The following RBFOX1 variants were observed in gnomAD, a reference collection of about 807,000 sequenced individuals.
RBFOX1 encodes RNA binding protein fox-1 homolog 1.
Under a neutral mutation model 57.7 loss-of-function variants are expected in RBFOX1, and 8 were observed. The observed-to-expected ratio is 0.14, with a 90% CI of 0.08 to 0.25. The LOEUF (loss-of-function observed/expected upper bound fraction) is 0.25, where lower values mean the gene tolerates loss of function less well. RBFOX1 is among the 10% of genes least tolerant of loss of function. The pLI, the probability that RBFOX1 is intolerant of heterozygous loss-of-function variation, is 1.00. For missense variants in RBFOX1, 611 were observed against 548.5 expected (o/e 1.11, Z -1.14); for synonymous variants, 326 against 222.4 (o/e 1.47, Z -4.15).
At chr16:7,091,032 A>T (rs1034023419) in intron 4 of RBFOX1, among the ~76,000 whole-genome samples, 2 of 152,202 alleles carry the variant, frequency 1.3e-5, no homozygotes, top group African/African-American at 2.4e-5. Flanking sequence ...CACAAACAGG[A>T]TACAAATTCC....
At chr16:7,245,413 A>G (rs1400565418) in intron 4 of RBFOX1, among the ~76,000 whole-genome samples, 2 of 151,482 alleles carry the variant, frequency 1.3e-5, no homozygotes, top group Admixed American at 6.6e-5. Flanking sequence ...TGCTGTACCT[A>G]TCAACCCGTC....
chr16:7,022,515 T>A (rs559936365), intron 3 of RBFOX1, among the ~76,000 whole-genome samples: 1 of 152,250 alleles, frequency 6.6e-6, no homozygotes, highest in African/African-American at 2.4e-5. Context: ...TACTCCAGAT[T>A]CCCTGTGAGG....
intron 3 of RBFOX1, among the ~76,000 whole-genome samples, chr16:6,970,487 G>A (rs2085294988): frequency 6.6e-6 from 1 of 152,076 alleles, no homozygotes; most frequent in Admixed American, 6.6e-5. Flanking sequence ...TCACAGTTCT[G>A]GAAGCTGGGC....
At chr16:5,640,270 C>A (rs1302850751) in intron 3 of RBFOX1, among the ~76,000 whole-genome samples, 1 of 152,158 alleles carries the variant, frequency 6.6e-6, no homozygotes, top group African/African-American at 2.4e-5. Flanking sequence ...TTCACTTTAG[C>A]CATCGGTCTG....
intron 1 of RBFOX1, among the ~76,000 whole-genome samples, chr16:5,383,131 A>G (rs779742535): frequency 6.6e-6 from 1 of 152,144 alleles, no homozygotes; most frequent in Non-Finnish European, 1.5e-5. Context: ...TCACACTCCA[A>G]CTGTTGAGAA....
chr16:5,468,268 A>G (rs936197617), intron 2 of RBFOX1, among the ~76,000 whole-genome samples: 2 of 152,250 alleles, frequency 1.3e-5, no homozygotes, highest in African/African-American at 4.8e-5. Context: ...AGTGTTGGGC[A>G]ATCACTACCT....
At chr16:6,324,536 G>A (rs1376332555) in intron 2 of RBFOX1, among the ~76,000 whole-genome samples, 1 of 152,112 alleles carries the variant, frequency 6.6e-6, no homozygotes, top group Non-Finnish European at 1.5e-5. Context: ...GAACAAGAGA[G>A]GGAGAGGAGG....
At chr16:6,650,676 T>A (rs372161490) in intron 2 of RBFOX1, among the ~76,000 whole-genome samples, 1 of 152,194 alleles carries the variant, frequency 6.6e-6, no homozygotes, top group South Asian at 2.1e-4. Flanking sequence ...AAACAAGATA[T>A]TTGCTATACG....
chr16:7,172,316 C>T (rs903406713), intron 4 of RBFOX1, among the ~76,000 whole-genome samples: 3 of 152,132 alleles, frequency 2.0e-5, no homozygotes, highest in Non-Finnish European at 4.4e-5. Flanking sequence ...CAGTTTATCT[C>T]TTTTTACTCC....
At chr16:5,335,176 C>A (rs2064864056) in intron 1 of RBFOX1, among the ~76,000 whole-genome samples, 1 of 146,006 alleles carries the variant, frequency 6.8e-6, no homozygotes, top group African/African-American at 2.5e-5. Context: ...ATTGCCAGTT[C>A]ACCTCTCTGC....
At chr16:7,034,197 T>G (rs1024364469) in intron 3 of RBFOX1, among the ~76,000 whole-genome samples, 1 of 152,154 alleles carries the variant, frequency 6.6e-6, no homozygotes, top group Non-Finnish European at 1.5e-5. Flanking sequence ...GGCTCTGGTT[T>G]TTCCTAACTT....
intron 2 of RBFOX1, among the ~76,000 whole-genome samples, chr16:5,526,510 A>T (rs1211690877): frequency 6.6e-6 from 1 of 152,060 alleles, no homozygotes; most frequent in African/African-American, 2.4e-5. Flanking sequence ...GCTGGTCTCA[A>T]ACTCCTGGCC....
chr16:5,899,400 G>A (rs918698244), intron 4 of RBFOX1, among the ~76,000 whole-genome samples: 1 of 152,152 alleles, frequency 6.6e-6, no homozygotes, highest in Non-Finnish European at 1.5e-5. Flanking sequence ...GCTCTCTGAG[G>A]TGGTGACAAG....
intron 4 of RBFOX1, among the ~76,000 whole-genome samples, chr16:7,419,602 A>C (rs148828643): frequency 4.0e-3 from 609 of 152,334 alleles, no homozygotes; most frequent in Non-Finnish European, 6.7e-3. Flanking sequence ...GCTGTTGATA[A>C]CAGGGCCCCC....
rs1276096570 is a variant in RBFOX1 at position 5,899,501 on chromosome 16, G to A, written c.351+32166G>A. Among the ~76,000 whole-genome samples, 3 of 152,166 alleles carry A rather than the reference G, an allele frequency of 2.0e-5. No individual in the cohort carries two copies. In the South Asian group the frequency reaches 6.2e-4, roughly 32 times the overall value. On this transcript the variant is annotated intron_variant, in intron 4 of 19. Transcript: ENST00000641259. The stretch of plus-strand genomic sequence containing the variant: ...TGAAATCAAGCTGAATTCTCTGCTT[G>A]ACTAGCTAGGAAGAGTGGGGCCACT...
chr16:7,363,486 C>T (rs2097370329), intron 4 of RBFOX1, among the ~76,000 whole-genome samples: 1 of 125,816 alleles, frequency 7.9e-6, no homozygotes, highest in Non-Finnish European at 1.8e-5. Context: ...ACCCCTGGAG[C>T]TAATAAAGGA....
intron 2 of RBFOX1, among the ~76,000 whole-genome samples, chr16:6,505,304 A>G (rs1199855032): frequency 1.3e-5 from 2 of 152,164 alleles, no homozygotes; most frequent in Non-Finnish European, 2.9e-5. Context: ...TCACCCTGAT[A>G]TTCATCACTC....
chr16:6,754,990 T>C (rs1266320677), intron 3 of RBFOX1, among the ~76,000 whole-genome samples: 4 of 152,168 alleles, frequency 2.6e-5, no homozygotes, highest in African/African-American at 7.2e-5. Flanking sequence ...TTACTGAGAA[T>C]GATGATTTCC....
At chr16:6,324,582 C>G (rs73537475) in intron 2 of RBFOX1, among the ~76,000 whole-genome samples, 3,900 of 152,230 alleles carry the variant, frequency 0.026, 141 homozygotes, top group African/African-American at 0.079. Context: ...GTTGTTACAA[C>G]TCATTCATTG....
Sources: gnomAD v4.1 joint callset for allele counts (sites outside exome capture counted in the v4.1 genomes callset) on GRCh38, gnomAD v4.1.1 for gene constraint, MANE v1.5 for transcripts, NCBI Gene and HGNC (gene_info 2026-07-23, HGNC 2026-07-21) for gene names.